DPY19L4: variants seen among roughly 807,000 people sequenced by gnomAD.
DPY19L4 encodes the protein dpy-19 like 4.
Under a neutral mutation model 102.8 loss-of-function variants are expected in DPY19L4, and 97 were observed. That is an observed-to-expected ratio of 0.94 (90% confidence interval 0.80 to 1.12). The LOEUF is 1.12. DPY19L4 is among the 50% of genes most tolerant of loss of function. The pLI, the probability that DPY19L4 is intolerant of heterozygous loss-of-function variation, is 0.00. For missense variants in DPY19L4, 815 were observed against 850.4 expected (o/e 0.96, Z 0.52); for synonymous variants, 252 against 283.1 (o/e 0.89, Z 1.10).
At chr8:94,744,207 T>A (rs1811570090) in intron 6 of DPY19L4, 2 of 381,886 alleles carry the variant, frequency 5.2e-6, no homozygotes, top group Non-Finnish European at 1.0e-5. Context: ...TGGCTTGTAC[T>A]GTGTCGTCTG....
chr8:94,768,272 A>C, intron 11 of DPY19L4, 123 bp from the exon 12 acceptor site: 1 of 700,566 alleles, frequency 1.4e-6, no homozygotes, highest in East Asian at 2.9e-5. Context: ...GTACCTTGCT[A>C]ATATAAGTAA....
At chr8:94,777,612 A>G (rs1412185862) in intron 13 of DPY19L4, 54 bp from the exon 14 acceptor site, 1 of 1,546,678 alleles carries the variant, frequency 6.5e-7, no homozygotes, top group Non-Finnish European at 8.8e-7. Flanking sequence ...CAAAAATTAG[A>G]TAATAATGAT....
intron 2 of DPY19L4, among the ~76,000 whole-genome samples, chr8:94,730,693 C>T (rs1409694726): frequency 8.8e-5 from 13 of 148,162 alleles, no homozygotes; most frequent in African/African-American, 1.5e-4. Context: ...TGCAGTGAGT[C>T]GAGATCACGC....
intron 14 of DPY19L4, among the ~76,000 whole-genome samples, chr8:94,779,219 T>TAAAA (rs10632320): frequency 6.9e-6 from 1 of 145,932 alleles, no homozygotes. Flanking sequence ...TTTTATAGAT[T>TAAAA]AAAAAAAAAA....
chr8:94,726,756 T>C (rs998878388), intron 2 of DPY19L4, among the ~76,000 whole-genome samples: 1 of 152,212 alleles, frequency 6.6e-6, no homozygotes. Context: ...AAGTTTCTGC[T>C]GACCTGGCAC....
Position 94,751,495 on chromosome 8 carries a change from A to T in DPY19L4, c.612-4541A>T, listed in dbSNP as rs149801195. On this transcript the variant is annotated intron_variant, in intron 6 of 18. Transcript: ENST00000414645. ...CCTGTGTCTGGTTTCTTATTTATTT[A>T]TTTATTTATTTTTTGAGACTGAGTC... Among the ~76,000 whole-genome samples, 1,138 of 142,398 alleles carry T rather than the reference A, an allele frequency of 8.0e-3. 6 individuals are homozygous for T. Among genetic ancestry groups the T allele is most frequent in the African/African-American group, 0.024 (901 of 38,254 alleles). The allele number at this position is 142,398 out of a possible 152,430, so 93.4% of individuals were successfully genotyped here.
At chr8:94,726,058 G>T (rs1810674898) in intron 1 of DPY19L4, among the ~76,000 whole-genome samples, 1 of 152,146 alleles carries the variant, frequency 6.6e-6, no homozygotes, top group Non-Finnish European at 1.5e-5. Context: ...ACTTATTTTG[G>T]GATGTTTTGA....
intron 8 of DPY19L4, among the ~76,000 whole-genome samples, chr8:94,762,174 T>G (rs4078348): frequency 6.6e-6 from 1 of 152,024 alleles, no homozygotes; most frequent in East Asian, 1.9e-4. Context: ...CTCAGAAATA[T>G]CAGCTTTGCT....
Position 94,781,506 on chromosome 8 carries a change from A to G in DPY19L4, c.1715+340A>G, listed in dbSNP as rs750851704. Among the ~76,000 whole-genome samples, 9 of 152,150 alleles carry G rather than the reference A, an allele frequency of 5.9e-5. No homozygotes were observed. In the East Asian group the frequency reaches 1.7e-3, roughly 29 times the overall value. On this transcript the variant is annotated intron_variant, in intron 16 of 18. Transcript: ENST00000414645. ...GGAGGTGAATTGTCAGTGGATTATT[A>G]GTTTTGATAACCAGGGGTTTTAGAT... is the stretch of plus-strand genomic sequence containing the variant.
intron 6 of DPY19L4, among the ~76,000 whole-genome samples, chr8:94,749,840 G>A (rs1250171936): frequency 6.6e-6 from 1 of 152,114 alleles, no homozygotes; most frequent in Non-Finnish European, 1.5e-5. Flanking sequence ...ATGGTATTGG[G>A]ACAACCAAAT....
chr8:94,765,863 T>C, intron 10 of DPY19L4, 54 bp downstream of exon 10: 2 of 1,106,292 alleles, frequency 1.8e-6, no homozygotes, highest in Non-Finnish European at 2.7e-6. Flanking sequence ...ATGAAATATA[T>C]TGGACTACAT....
intron 2 of DPY19L4, among the ~76,000 whole-genome samples, chr8:94,732,937 A>T (rs1420251713): frequency 2.0e-5 from 3 of 150,984 alleles, no homozygotes; most frequent in Non-Finnish European, 2.9e-5. Flanking sequence ...CAGCCTCCCA[A>T]GTAGCTGGGA....
At chr8:94,767,451 G>A (rs951977244) in intron 11 of DPY19L4, among the ~76,000 whole-genome samples, 1 of 151,908 alleles carries the variant, frequency 6.6e-6, no homozygotes, top group African/African-American at 2.4e-5. Context: ...CCGCTACCAT[G>A]CCCGGCTAAT....
intron 7 of DPY19L4, 143 bp from the exon 8 acceptor site, chr8:94,761,557 A>G: frequency 1.4e-6 from 1 of 721,114 alleles, no homozygotes; most frequent in Non-Finnish European, 1.9e-6. Flanking sequence ...AATAATAATT[A>G]TGTGATTTAA....
At chr8:94,777,550 T>C in intron 13 of DPY19L4, 116 bp from the exon 14 acceptor site, 3 of 1,290,576 alleles carry the variant, frequency 2.3e-6, no homozygotes, top group Non-Finnish European at 3.2e-6. Flanking sequence ...GCTTTTTCAC[T>C]GTCCCTTAGC....
At chr8:94,769,127 T>C (rs867035828) in intron 12 of DPY19L4, among the ~76,000 whole-genome samples, 72 of 144,672 alleles carry the variant, frequency 5.0e-4, no homozygotes, top group African/African-American at 1.6e-3. Flanking sequence ...AGTGGCACGA[T>C]CTCGGCTCAC....
chr8:94,732,006 C>T (rs1236043784), intron 2 of DPY19L4, among the ~76,000 whole-genome samples: 2 of 151,882 alleles, frequency 1.3e-5, no homozygotes, highest in East Asian at 1.9e-4. Flanking sequence ...CTCCTGATCT[C>T]GTGATCCGCC....
chr8:94,727,712 T>TAC (rs1226201149), intron 2 of DPY19L4, among the ~76,000 whole-genome samples: 2 of 152,200 alleles, frequency 1.3e-5, no homozygotes. Flanking sequence ...AAGTTTTATC[T>TAC]ACCAGGGAAG....
intron 7 of DPY19L4, among the ~76,000 whole-genome samples, chr8:94,760,973 G>A (rs1812370770): frequency 6.6e-6 from 1 of 152,192 alleles, no homozygotes; most frequent in Admixed American, 6.5e-5. Flanking sequence ...ATTGGGGAAA[G>A]ATAATACTTC....
Sources: allele counts gnomAD v4.1 joint callset (sites outside exome capture counted in the v4.1 genomes callset), GRCh38; gene constraint gnomAD v4.1.1; transcripts MANE v1.5; gene names NCBI Gene and HGNC (gene_info 2026-07-23, HGNC 2026-07-21).